The following NUP210L variants were observed in gnomAD, a reference collection of about 807,000 sequenced individuals.
NUP210L encodes the protein nuclear pore membrane glycoprotein 210-like.
In NUP210L, 74 loss-of-function variants were observed where a neutral mutation model predicts 208.5. The ratio of observed to expected loss-of-function variants is 0.35; its 90% CI spans 0.29 to 0.43. The LOEUF (loss-of-function observed/expected upper bound fraction) is 0.43. Ranked by LOEUF, NUP210L falls within the 20% of genes least tolerant of loss-of-function variation. The pLI, the probability that NUP210L is intolerant of heterozygous loss-of-function variation, is 1.00. For missense variants in NUP210L, 1,843 were observed against 2,289.4 expected, an observed-to-expected ratio of 0.81 and a Z score of 3.98; for synonymous variants, 780 against 816.9, an observed-to-expected ratio of 0.95 and a Z score of 0.77.
chr1:154,152,658 G>T, intron 2 of NUP210L, 78 bp downstream of exon 2: 2 of 1,283,828 alleles, frequency 1.6e-6, no homozygotes, highest in Admixed American at 1.9e-5. Flanking sequence ...AACACCATTT[G>T]TGTTAACTAT....
At chr1:154,122,006 T>C (rs1657639057) in intron 10 of NUP210L, among the ~76,000 whole-genome samples, 1 of 152,098 alleles carries the variant, frequency 6.6e-6, no homozygotes, top group Admixed American at 6.6e-5. Flanking sequence ...CAACAGTTGC[T>C]CTTTGAAAAA....
chr1:154,024,130 A>G (rs914947364), intron 30 of NUP210L, among the ~76,000 whole-genome samples: 1 of 152,162 alleles, frequency 6.6e-6, no homozygotes, highest in African/African-American at 2.4e-5. Context: ...GAGAAGCTGG[A>G]GCTTTATGAG....
At chr1:154,046,517 A>G (rs1557938216) in intron 25 of NUP210L, 148 bp from the exon 26 acceptor site, 1 of 676,666 alleles carries the variant, frequency 1.5e-6, no homozygotes, top group African/African-American at 1.8e-5. Context: ...CACAATAGCC[A>G]ATATTTGGAG....
chr1:154,007,673 C>T (rs939141400), intron 35 of NUP210L, among the ~76,000 whole-genome samples: 4 of 148,568 alleles, frequency 2.7e-5, no homozygotes, highest in South Asian at 2.2e-4. Context: ...CCCGGGTTCA[C>T]GCCATTCTCC....
In NUP210L at chr1:154,117,897, T is replaced by C; in HGVS notation, c.1465-17A>G. On this transcript the variant is annotated splice_polypyrimidine_tract_variant and intron_variant, in intron 11 of 39. Coordinates refer to ENST00000368559, the Ensembl canonical transcript of NUP210L. ...ACCCTCTACCTGTGAAAACACACAT[T>C]ACATTTAATTACAATCGGAAGAAAA... is the stretch of plus-strand genomic sequence containing the variant. The C allele has an allele frequency of 1.3e-6, 2 of 1,547,142 alleles. No homozygotes were observed. Among genetic ancestry groups the C allele is most frequent in the Non-Finnish European group, 8.8e-7 (1 of 1,135,284 alleles).
At chr1:154,102,590 T>C (rs929559491) in intron 13 of NUP210L, among the ~76,000 whole-genome samples, 1 of 152,108 alleles carries the variant, frequency 6.6e-6, no homozygotes, top group African/African-American at 2.4e-5. Flanking sequence ...AGCTTATAGA[T>C]ATAAGAATTA....
At chr1:154,148,793 A>G (rs990672072) in intron 2 of NUP210L, among the ~76,000 whole-genome samples, 5 of 152,166 alleles carry the variant, frequency 3.3e-5, no homozygotes, top group Non-Finnish European at 7.3e-5. Flanking sequence ...ACAAAAAACA[A>G]CAAGGTAAGT....
intron 16 of NUP210L, among the ~76,000 whole-genome samples, chr1:154,082,022 CCT>C (rs1028642230): frequency 6.6e-6 from 1 of 152,178 alleles, no homozygotes; most frequent in African/African-American, 2.4e-5. Flanking sequence ...AGTGGAATTT[CCT>C]GTTTGGTAAA....
intron 2 of NUP210L, among the ~76,000 whole-genome samples, chr1:154,152,425 C>T (rs904671500): frequency 6.6e-6 from 1 of 151,702 alleles, no homozygotes; most frequent in African/African-American, 2.4e-5. Context: ...CCACCCACCT[C>T]GGCCTCCCAA....
At chr1:154,152,745 G>C (rs1310870151) in exon 2 of NUP210L, 3 of 1,613,566 alleles carry the variant, frequency 1.9e-6, no homozygotes, top group South Asian at 1.1e-5. Flanking sequence ...CCTATTTCTC[G>C]AGCAAGAATA....
chr1:154,052,650 T>A (rs929833016), intron 25 of NUP210L, among the ~76,000 whole-genome samples: 3 of 152,220 alleles, frequency 2.0e-5, no homozygotes, highest in African/African-American at 7.2e-5. Flanking sequence ...CACTCTATGA[T>A]GCAGTTACAC....
intron 35 of NUP210L, among the ~76,000 whole-genome samples, chr1:154,006,946 G>GTGTGTGTATATATATATA (rs767785200): frequency 2.1e-5 from 2 of 95,444 alleles, no homozygotes; most frequent in East Asian, 3.0e-4. Context: ...GTGTGTGTGT[G>GTGTGTGTATATATATATA]TATATATATA....
At chr1:154,111,739 G>C (rs895225400) in intron 12 of NUP210L, among the ~76,000 whole-genome samples, 5 of 151,596 alleles carry the variant, frequency 3.3e-5, no homozygotes, top group Non-Finnish European at 7.4e-5. Context: ...CCTACTCAAA[G>C]TATTTTGAAA....
At chr1:154,022,738 C>T (rs1395887216) in intron 31 of NUP210L, among the ~76,000 whole-genome samples, 2 of 144,756 alleles carry the variant, frequency 1.4e-5, no homozygotes, top group Admixed American at 7.2e-5. Context: ...GGTGCAGTGG[C>T]GCAATCTCTG....
chr1:154,104,039 G>C, exon 13 of NUP210L: 1 of 1,613,882 alleles, frequency 6.2e-7, no homozygotes, highest in Non-Finnish European at 8.5e-7. Flanking sequence ...AAGACTCCTT[G>C]TTTATCCATG....
intron 16 of NUP210L, among the ~76,000 whole-genome samples, chr1:154,086,217 AAAAAAAG>A (rs1322109785): frequency 4.6e-5 from 7 of 151,784 alleles, no homozygotes; most frequent in Non-Finnish European, 1.0e-4. Context: ...GTCTCAAAAA[AAAAAAAG>A]AAAGAAAGAA....
chr1:154,052,342 G>A (rs993965071), intron 25 of NUP210L, among the ~76,000 whole-genome samples: 7 of 152,228 alleles, frequency 4.6e-5, no homozygotes, highest in East Asian at 3.9e-4. Flanking sequence ...GGAGAAACCC[G>A]AGGATCCCCT....
At chr1:154,139,448 G>A (rs1417839689) in intron 5 of NUP210L, among the ~76,000 whole-genome samples, 1 of 151,940 alleles carries the variant, frequency 6.6e-6, no homozygotes, top group Non-Finnish European at 1.5e-5. Flanking sequence ...ACCAACTATT[G>A]GCCCAAATCA....
At chr1:154,154,933 T>G in exon 1 of NUP210L, 2 of 1,614,240 alleles carry the variant, frequency 1.2e-6, no homozygotes, top group East Asian at 2.2e-5. Flanking sequence ...ACGTTAAGTT[T>G]GTTGGCCAGG....
Sources: allele counts gnomAD v4.1 joint callset (sites outside exome capture counted in the v4.1 genomes callset), GRCh38; gene constraint gnomAD v4.1.1; transcripts MANE v1.5; gene names NCBI Gene and HGNC (gene_info 2026-07-23, HGNC 2026-07-21).